GRIK1: variants seen among roughly 807,000 people sequenced by gnomAD.
GRIK1 encodes the protein glutamate receptor ionotropic, kainate 1.
A neutral mutation model predicts 105.7 loss-of-function variants in GRIK1; 69 were observed. The observed-to-expected ratio is 0.65, with a 90% CI of 0.54 to 0.80. GRIK1 has a LOEUF of 0.80. GRIK1 is among the 30% of genes least tolerant of loss of function. The pLI is 0.00. For missense variants in GRIK1, 1,109 were observed against 1,167.3 expected, an observed-to-expected ratio of 0.95 and a Z score of 0.73; for synonymous variants, 438 against 431.3, an observed-to-expected ratio of 1.02 and a Z score of -0.19.
At chr21:29,544,008 G>T (rs1319847284) in intron 16 of GRIK1, among the ~76,000 whole-genome samples, 1 of 151,840 alleles carries the variant, frequency 6.6e-6, no homozygotes, top group Non-Finnish European at 1.5e-5. Flanking sequence ...TTTAATTTTT[G>T]TTCCCACACC....
chr21:29,823,735 A>G (rs972428728), intron 1 of GRIK1, among the ~76,000 whole-genome samples: 1 of 151,936 alleles, frequency 6.6e-6, no homozygotes, highest in African/African-American at 2.4e-5. Flanking sequence ...CTCTCTGTAC[A>G]TTGACCTATA....
chr21:29,721,350 A>C (rs1489069713), intron 1 of GRIK1, among the ~76,000 whole-genome samples: 1 of 152,136 alleles, frequency 6.6e-6, no homozygotes, highest in Non-Finnish European at 1.5e-5. Context: ...AGCTTTGGGG[A>C]ACATTGTGGA....
intron 1 of GRIK1, among the ~76,000 whole-genome samples, chr21:29,697,192 G>A (rs1356979025): frequency 6.6e-6 from 1 of 152,108 alleles, no homozygotes; most frequent in Non-Finnish European, 1.5e-5. Context: ...TGCTTCCCTT[G>A]GAGAATTGCT....
At chr21:29,769,687 C>T (rs181279199) in intron 1 of GRIK1, among the ~76,000 whole-genome samples, 108 of 152,176 alleles carry the variant, frequency 7.1e-4, no homozygotes, top group African/African-American at 2.2e-3. Context: ...GGACCGGTAC[C>T]GGTCTATGCC....
Position 29,805,541 on chromosome 21 carries a change from T to C in GRIK1, c.119-111478A>G, listed in dbSNP as rs184506279. On this transcript the variant is annotated intron_variant, in intron 1 of 17. Transcript: ENST00000327783. ...TGAAGACTAAGAAGAAATTGTTTTC[T>C]TCTAGTGGATAAACAACTCCACTAG... Among the ~76,000 whole-genome samples, 45 of 152,322 alleles carry C rather than the reference T, an allele frequency of 3.0e-4. 2 individuals carry two copies. Among genetic ancestry groups the C allele is most frequent in the Admixed American group, 2.6e-3 (40 of 15,290 alleles).
intron 7 of GRIK1, among the ~76,000 whole-genome samples, chr21:29,618,255 T>C (rs2061896492): frequency 6.6e-6 from 1 of 151,434 alleles, no homozygotes; most frequent in African/African-American, 2.4e-5. Flanking sequence ...AACTTTTGAT[T>C]CACTGAGGGC....
chr21:29,681,879 C>A (rs1277186744), intron 3 of GRIK1, among the ~76,000 whole-genome samples: 1 of 152,140 alleles, frequency 6.6e-6, no homozygotes, highest in Non-Finnish European at 1.5e-5. Context: ...GATGAAGAAA[C>A]AGATGATCTA....
intron 1 of GRIK1, among the ~76,000 whole-genome samples, chr21:29,834,644 C>T (rs2067731236): frequency 6.6e-6 from 1 of 151,164 alleles, no homozygotes; most frequent in African/African-American, 2.4e-5. Context: ...TTCTTCACCT[C>T]TCAGCTTTCT....
At chr21:29,809,719 C>T (rs535596413) in intron 1 of GRIK1, among the ~76,000 whole-genome samples, 3 of 152,330 alleles carry the variant, frequency 2.0e-5, no homozygotes, top group South Asian at 2.1e-4. Flanking sequence ...CCGCCTGTCT[C>T]GGCTTTTGCC....
chr21:29,567,127 T>C (rs2090629437), intron 14 of GRIK1, among the ~76,000 whole-genome samples: 1 of 152,210 alleles, frequency 6.6e-6, no homozygotes, highest in African/African-American at 2.4e-5. Flanking sequence ...GTGCAACAGT[T>C]AGAACCTGGA....
At chr21:29,809,481 T>C (rs2066951344) in intron 1 of GRIK1, among the ~76,000 whole-genome samples, 2 of 152,150 alleles carry the variant, frequency 1.3e-5, no homozygotes, top group Admixed American at 1.3e-4. Flanking sequence ...TGGTGGAGGG[T>C]TTTGCCTCGT....
intron 13 of GRIK1, 68 bp downstream of exon 13, chr21:29,581,357 G>C (rs1268613295): frequency 1.1e-6 from 1 of 907,784 alleles, no homozygotes; most frequent in East Asian, 2.4e-5. Context: ...TCATGGTGGA[G>C]TTTACCAGCA....
intron 16 of GRIK1, among the ~76,000 whole-genome samples, chr21:29,541,573 G>GTTTTTTTTTTTTTTTTTTTTTTT (rs1202014711): frequency 7.2e-5 from 6 of 83,742 alleles, no homozygotes; most frequent in African/African-American, 4.4e-4. Flanking sequence ...TGCACTCACG[G>GTTTTTTTTTTTTTTTTTTTTTTT]TCTTTTTTTT....
At position 29,927,463 on chromosome 21, in the gene GRIK1, A is replaced by C. The variant is rs759876918; in HGVS notation, c.118+11920T>G. Among the ~76,000 whole-genome samples the C allele has an allele frequency of 2.8e-4, 42 of 150,330 alleles. 1 individual carries two copies. Among genetic ancestry groups the C allele is most frequent in the Non-Finnish European group, 4.7e-4 (32 of 67,682 alleles). On this transcript the variant is annotated intron_variant, in intron 1 of 17. Transcript: ENST00000327783. ...GGCTGTAGTGTGTATAATATATGCAATAAATATGCTTAATAATATGTATAT... is the reference window on the plus strand; with the variant it reads ...GGCTGTAGTGTGTATAATATATGCACTAAATATGCTTAATAATATGTATAT...
At chr21:29,719,599 AT>A (rs5843400) in intron 1 of GRIK1, among the ~76,000 whole-genome samples, 3,957 of 150,770 alleles carry the variant, frequency 0.026, 132 homozygotes, top group East Asian at 0.1. Context: ...CACAGAGATG[AT>A]TTTTTTTTTC....
chr21:29,863,064 GT>G (rs764560321), intron 1 of GRIK1, among the ~76,000 whole-genome samples: 3 of 152,166 alleles, frequency 2.0e-5, no homozygotes, highest in Non-Finnish European at 4.4e-5. Flanking sequence ...GTGTGTATAT[GT>G]GTCTGTGAAT....
At chr21:29,708,814 T>G (rs1156638945) in intron 1 of GRIK1, among the ~76,000 whole-genome samples, 1 of 152,164 alleles carries the variant, frequency 6.6e-6, no homozygotes, top group Non-Finnish European at 1.5e-5. Context: ...TAATTTTTAT[T>G]TTTTTTGGAA....
At chr21:29,937,229 A>G (rs1336721064) in intron 1 of GRIK1, among the ~76,000 whole-genome samples, 2 of 152,234 alleles carry the variant, frequency 1.3e-5, no homozygotes. Flanking sequence ...GCTGGTTTCC[A>G]CAGTGTGCTA....
At chr21:29,916,290 C>A (rs182239228) in intron 1 of GRIK1, among the ~76,000 whole-genome samples, 4,377 of 148,324 alleles carry the variant, frequency 0.03, 216 homozygotes, top group African/African-American at 0.11. Context: ...ATGTCATACA[C>A]CCCTGGGCAC....
Sources: gnomAD v4.1 joint callset for allele counts (sites outside exome capture counted in the v4.1 genomes callset) on GRCh38, gnomAD v4.1.1 for gene constraint, MANE v1.5 for transcripts, NCBI Gene and HGNC (gene_info 2026-07-23, HGNC 2026-07-21) for gene names.